The following NXPE1 variants were observed in gnomAD, a reference collection of about 807,000 sequenced individuals.
The protein encoded by NXPE1 is NXPE family member 1.
NXPE1 carries 31 observed loss-of-function variants against 33.3 expected under a neutral mutation model. The ratio of observed to expected loss-of-function variants is 0.93; its 90% CI spans 0.70 to 1.26. The LOEUF (loss-of-function observed/expected upper bound fraction) is 1.26, where lower values mean the gene tolerates loss of function less well. Ranked by LOEUF, NXPE1 falls within the 50% of genes most tolerant of loss-of-function variation. The pLI is 0.00. For synonymous variants in NXPE1, 229 were observed against 231.4 expected, an observed-to-expected ratio of 0.99 and a Z score of 0.09; for missense variants, 661 against 655.6, an observed-to-expected ratio of 1.01 and a Z score of -0.09.
At chr11:114,554,047 A>G (rs999697947) in intron 1 of NXPE1, 4 of 985,396 alleles carry the variant, frequency 4.1e-6, no homozygotes, top group South Asian at 4.7e-5. Flanking sequence ...TCTTCTCCCC[A>G]TCTTTGTGAA....
At chr11:114,519,450 C>G (rs1341874066), downstream of NXPE1, among the ~76,000 whole-genome samples, 1 of 152,170 alleles carries the variant, frequency 6.6e-6, no homozygotes, top group East Asian at 1.9e-4. Flanking sequence ...AACTTAGTCT[C>G]TTTCCTCAAG....
At chr11:114,530,898 G>C (rs1365672302) in exon 6 of NXPE1, 1 of 1,605,710 alleles carries the variant, frequency 6.2e-7, no homozygotes, top group Admixed American at 1.7e-5. Context: ...TAAGTTTAGA[G>C]CAGACCAAAG....
chr11:114,529,848 T>G, intron 6 of NXPE1: 1 of 255,294 alleles, frequency 3.9e-6, no homozygotes, highest in Non-Finnish European at 7.5e-6. Context: ...GCAAAGATAT[T>G]TAAGGGGCAA....
At chr11:114,557,672 T>A (rs1035783910) in intron 1 of NXPE1, among the ~76,000 whole-genome samples, 2 of 122,292 alleles carry the variant, frequency 1.6e-5, no homozygotes. Context: ...TATATATATA[T>A]AAAATCCTTG....
chr11:114,551,048 G>A (rs1441688280), intron 5 of NXPE1, 55 bp downstream of exon 5: 10 of 955,974 alleles, frequency 1.0e-5, no homozygotes, highest in Middle Eastern at 2.1e-4. Context: ...CTTGAGGCAC[G>A]TCACACAGGT....
intron 5 of NXPE1, among the ~76,000 whole-genome samples, chr11:114,541,561 G>A (rs1948098536): frequency 6.6e-6 from 1 of 152,210 alleles, no homozygotes; most frequent in African/African-American, 2.4e-5. Context: ...GCCCAAGGTG[G>A]TTGGGGTTCA....
At chr11:114,526,818 T>C (rs1026995627) in intron 7 of NXPE1, 24 of 152,210 alleles carry the variant, frequency 1.6e-4, no homozygotes, top group African/African-American at 5.5e-4. Context: ...TATTTTCCCC[T>C]TTTCTCAATG....
chr11:114,528,104 C>T (rs1947435791), intron 6 of NXPE1, among the ~76,000 whole-genome samples: 1 of 152,112 alleles, frequency 6.6e-6, no homozygotes, highest in Non-Finnish European at 1.5e-5. Context: ...CACCTGAAGT[C>T]CAAAGCAGCT....
intron 1 of NXPE1, chr11:114,553,811 A>G (rs1204563361): frequency 2.0e-5 from 19 of 973,180 alleles, no homozygotes; most frequent in Non-Finnish European, 2.2e-5. Flanking sequence ...AAGCCTATTC[A>G]TGCACATTTC....
intron 5 of NXPE1, among the ~76,000 whole-genome samples, chr11:114,539,037 A>G (rs1292465011): frequency 6.6e-6 from 1 of 152,232 alleles, no homozygotes; most frequent in East Asian, 1.9e-4. Flanking sequence ...ACCAACCCAA[A>G]TGTCCAACAA....
At chr11:114,547,719 A>G (rs543638276) in intron 5 of NXPE1, among the ~76,000 whole-genome samples, 1 of 152,302 alleles carries the variant, frequency 6.6e-6, no homozygotes, top group South Asian at 2.1e-4. Context: ...TGGGTGTCAG[A>G]GCAAGACTCT....
intron 4 of NXPE1, 53 bp downstream of exon 4, chr11:114,551,330 G>T (rs10790022): frequency 2.2e-6 from 3 of 1,380,026 alleles, no homozygotes; most frequent in Non-Finnish European, 2.9e-6. Context: ...GTGAGTCACT[G>T]TCTTCTTTCC....
Position 114,551,063 on chromosome 11 carries a change from G to A in NXPE1, c.99+40C>T, listed in dbSNP as rs535704825. 8.9e-5 allele frequency: 98 copies of A among 1,103,642 alleles called. 1 individual carries two copies. The highest frequency in any genetic ancestry group is 7.5e-4 in the South Asian group (56 of 74,774). The allele number at this position is 1,103,642 out of a possible 1,614,324, so 68.4% of individuals were successfully genotyped here. On this transcript the variant is annotated intron_variant, in intron 5 of 8. Transcript: ENST00000534921. ...CTTGAGGCACGTCACACAGGTGAGG[G>A]CTTACTGTGTGATCTGCATCAAAGG...
chr11:114,549,164 T>C (rs1317877485), intron 5 of NXPE1, among the ~76,000 whole-genome samples: 1 of 151,904 alleles, frequency 6.6e-6, no homozygotes, highest in Non-Finnish European at 1.5e-5. Flanking sequence ...AAAGCCAGGC[T>C]GATGGAATTC....
intron 5 of NXPE1, among the ~76,000 whole-genome samples, chr11:114,540,032 G>C (rs1018227731): frequency 3.3e-5 from 5 of 152,156 alleles, no homozygotes; most frequent in Non-Finnish European, 7.3e-5. Context: ...ACATCAGTAA[G>C]TATTTCTTAA....
At chr11:114,541,685 C>T (rs545981881) in intron 5 of NXPE1, among the ~76,000 whole-genome samples, 36 of 152,198 alleles carry the variant, frequency 2.4e-4, no homozygotes, top group African/African-American at 7.7e-4. Context: ...ATGGTGCTTC[C>T]AGGCTATAGG....
chr11:114,530,370 G>T (rs764426418), exon 6 of NXPE1: 2 of 1,614,046 alleles, frequency 1.2e-6, no homozygotes, highest in African/African-American at 2.7e-5. Context: ...GACATGAGAG[G>T]TGCCATTAAC....
intron 1 of NXPE1, among the ~76,000 whole-genome samples, chr11:114,555,393 AT>A (rs1343376800): frequency 6.6e-6 from 1 of 152,004 alleles, no homozygotes. Context: ...TGCCCGGCTA[AT>A]TTTTTATATT....
At chr11:114,536,981 A>G (rs2135015411) in intron 5 of NXPE1, among the ~76,000 whole-genome samples, 1 of 152,360 alleles carries the variant, frequency 6.6e-6, no homozygotes, top group East Asian at 1.9e-4. Context: ...CAACAAAAAA[A>G]GAGAATTTTA....
Sources: allele counts gnomAD v4.1 joint callset (sites outside exome capture counted in the v4.1 genomes callset), GRCh38; gene constraint gnomAD v4.1.1; transcripts MANE v1.5; gene names NCBI Gene and HGNC (gene_info 2026-07-23, HGNC 2026-07-21).